FSTL5: variants seen among roughly 807,000 people sequenced by gnomAD.
FSTL5 encodes the protein follistatin-related protein 5.
Under a neutral mutation model 89.1 loss-of-function variants are expected in FSTL5, and 62 were observed. The observed-to-expected ratio is 0.70, with a 90% CI of 0.57 to 0.86. The LOEUF (loss-of-function observed/expected upper bound fraction) is 0.86, where lower values mean the gene tolerates loss of function less well. FSTL5 is among the 40% of genes least tolerant of loss of function. FSTL5 has a pLI of 0.00. For missense variants in FSTL5, 1,057 were observed against 1,001.6 expected (o/e 1.06, Z -0.75); for synonymous variants, 383 against 346.2 (o/e 1.11, Z -1.18).
At chr4:161,856,371 A>G (rs900181569) in intron 4 of FSTL5, among the ~76,000 whole-genome samples, 1 of 152,058 alleles carries the variant, frequency 6.6e-6, no homozygotes, top group East Asian at 1.9e-4. Flanking sequence ...GGAAATATTA[A>G]TGATTTAATT....
At chr4:162,021,915 AC>A in intron 3 of FSTL5, among the ~76,000 whole-genome samples, 1 of 151,994 alleles carries the variant, frequency 6.6e-6, no homozygotes, top group East Asian at 1.9e-4. Flanking sequence ...ATATGGTGAA[AC>A]CCGTTTCTCC....
chr4:162,048,802 C>A (rs1738289388), intron 2 of FSTL5, among the ~76,000 whole-genome samples: 1 of 152,050 alleles, frequency 6.6e-6, no homozygotes, highest in African/African-American at 2.4e-5. Flanking sequence ...ATTAGATATT[C>A]TGAAGAAGAT....
intron 15 of FSTL5, among the ~76,000 whole-genome samples, chr4:161,415,177 C>T (rs1354849434): frequency 1.3e-5 from 2 of 152,154 alleles, no homozygotes; most frequent in Admixed American, 6.5e-5. Context: ...AAATAAGATA[C>T]ATAAATATAT....
Position 161,992,981 on chromosome 4 carries a change from T to TGC in FSTL5, c.160+40642_160+40643dup, listed in dbSNP as rs1736181946. ...ATATATATGTGTGTATATATATATA[T>TGC]GCAAGTAGTGACATGTTTCAATAGG... On this transcript the variant is annotated intron_variant, in intron 3 of 15. Transcript: ENST00000306100. Among the ~76,000 whole-genome samples the TGC allele has an allele frequency of 6.3e-5, 9 of 142,964 alleles. No homozygotes were observed. The South Asian group carries it at 2.0e-3, about 31-fold the overall frequency. The allele number at this position is 142,964 out of a possible 152,430, so 93.8% of individuals were successfully genotyped here. A position where few individuals can be genotyped will look rare whatever the true frequency, so the allele number is the denominator to read the frequency against.
intron 13 of FSTL5, among the ~76,000 whole-genome samples, chr4:161,468,653 T>C (rs573404616): frequency 1.1e-3 from 164 of 152,328 alleles, no homozygotes; most frequent in African/African-American, 3.0e-3. Context: ...TGGTCAGTCA[T>C]AAAATCATTT....
At chr4:161,500,951 C>T (rs2126485312) in intron 11 of FSTL5, among the ~76,000 whole-genome samples, 1 of 152,216 alleles carries the variant, frequency 6.6e-6, no homozygotes, top group Non-Finnish European at 1.5e-5. Flanking sequence ...TCCTCTGCTT[C>T]TCCCCTGTTC....
At chr4:161,661,968 A>C (rs1736729350) in intron 6 of FSTL5, among the ~76,000 whole-genome samples, 1 of 152,200 alleles carries the variant, frequency 6.6e-6, no homozygotes, top group African/African-American at 2.4e-5. Context: ...GAGAACTGTA[A>C]CTCAGAGATG....
chr4:161,831,856 T>C (rs1013238870), intron 4 of FSTL5, among the ~76,000 whole-genome samples: 6 of 151,910 alleles, frequency 3.9e-5, no homozygotes, highest in African/African-American at 1.4e-4. Context: ...ATTTTTAAAT[T>C]TCATTCTTAG....
intron 4 of FSTL5, among the ~76,000 whole-genome samples, chr4:161,826,281 A>C (rs1477562053): frequency 1.3e-5 from 2 of 151,968 alleles, no homozygotes; most frequent in African/African-American, 2.4e-5. Flanking sequence ...TTTGAGGCTT[A>C]TTTTGTGACC....
At chr4:161,656,862 T>C (rs1218319093) in intron 6 of FSTL5, among the ~76,000 whole-genome samples, 3 of 150,268 alleles carry the variant, frequency 2.0e-5, no homozygotes, top group African/African-American at 7.4e-5. Context: ...GATAGATTTA[T>C]ACTGTAGGTT....
At chr4:162,066,273 T>TTCCTCC (rs200910896) in intron 2 of FSTL5, among the ~76,000 whole-genome samples, 1 of 149,576 alleles carries the variant, frequency 6.7e-6, no homozygotes, top group Admixed American at 6.8e-5. Context: ...TTTAATTGGG[T>TTCCTCC]TCCTCCTCCT....
chr4:161,759,381 G>A, intron 6 of FSTL5, 30 bp downstream of exon 6: 1 of 1,564,588 alleles, frequency 6.4e-7, no homozygotes, highest in African/African-American at 1.4e-5. Flanking sequence ...AAAGAACAAA[G>A]GGAAATTGGA....
At chr4:161,664,537 G>A (rs1326338802) in intron 6 of FSTL5, among the ~76,000 whole-genome samples, 1 of 152,090 alleles carries the variant, frequency 6.6e-6, no homozygotes, top group Non-Finnish European at 1.5e-5. Flanking sequence ...ACCTCAGCCT[G>A]GACGTTATTG....
intron 1 of FSTL5, among the ~76,000 whole-genome samples, chr4:162,122,572 T>C (rs963882332): frequency 1.3e-5 from 2 of 152,146 alleles, no homozygotes; most frequent in Non-Finnish European, 2.9e-5. Flanking sequence ...AATGTTGAAT[T>C]TTTGTTTTTT....
At chr4:161,758,568 G>A (rs1474004489) in intron 6 of FSTL5, among the ~76,000 whole-genome samples, 1 of 152,000 alleles carries the variant, frequency 6.6e-6, no homozygotes, top group Non-Finnish European at 1.5e-5. Context: ...ACCCAGGCTG[G>A]ACTGCAATGG....
At chr4:162,024,156 T>C (rs955653453) in intron 3 of FSTL5, among the ~76,000 whole-genome samples, 7 of 152,308 alleles carry the variant, frequency 4.6e-5, no homozygotes, top group Admixed American at 6.5e-5. Context: ...AAAAAGGATA[T>C]TCACTAACAC....
rs144827363 is a variant in FSTL5, at chr4:161,506,112, G to T, written c.1339+4286C>A. Among the ~76,000 whole-genome samples, 290 of 152,116 alleles carry T rather than the reference G, an allele frequency of 1.9e-3. 5 individuals carry two copies. The East Asian group carries it at 0.047, about 25-fold the overall frequency. On this transcript the variant is annotated intron_variant, in intron 11 of 15. Transcript: ENST00000306100. ...GCTCTGTCCCTCAGTTTGGACAGTG[G>T]TGTGGGTGGCATAGAGGGCAGTGGA... is the stretch of plus-strand genomic sequence containing the variant.
intron 11 of FSTL5, among the ~76,000 whole-genome samples, chr4:161,509,646 TTTTG>T (rs1389192236): frequency 6.6e-6 from 1 of 152,102 alleles, no homozygotes; most frequent in African/African-American, 2.4e-5. Context: ...GGAAGAGAAA[TTTTG>T]TTTAAGGTGG....
intron 8 of FSTL5, among the ~76,000 whole-genome samples, chr4:161,554,226 A>G (rs1166122229): frequency 1.3e-5 from 2 of 151,448 alleles, no homozygotes; most frequent in Non-Finnish European, 3.0e-5. Context: ...GTGTCTTATG[A>G]TGATAGTAGG....
Sources: gnomAD v4.1 joint callset for allele counts (sites outside exome capture counted in the v4.1 genomes callset) on GRCh38, gnomAD v4.1.1 for gene constraint, MANE v1.5 for transcripts, NCBI Gene and HGNC (gene_info 2026-07-23, HGNC 2026-07-21) for gene names.